Variants in CNTLN observed in about 807,000 individuals in gnomAD.
CNTLN encodes the protein centlein, centrosomal protein.
A neutral mutation model predicts 180.0 loss-of-function variants in CNTLN; 212 were observed. The ratio of observed to expected loss-of-function variants is 1.18; its 90% confidence interval spans 1.05 to 1.32. The LOEUF (loss-of-function observed/expected upper bound fraction) is 1.32, where lower values mean the gene tolerates loss of function less well. Ranked by LOEUF, CNTLN falls within the 40% of genes most tolerant of loss-of-function variation. The pLI is 0.00. For missense variants in CNTLN, 2,095 were observed against 1,610.9 expected, an observed-to-expected ratio of 1.30 and a Z score of -5.14; for synonymous variants, 722 against 563.1, an observed-to-expected ratio of 1.28 and a Z score of -3.99.
chr9:17,135,314 C>G lies in CNTLN; in HGVS notation c.249C>G (p.Pro83=), dbSNP rs1306275832. 4.4e-6 allele frequency: 7 copies of G among 1,602,140 alleles called. No homozygotes were observed. The South Asian group carries it at 6.8e-5, about 16-fold the overall frequency. The change falls in exon 1 of 26, where the codon CCC becomes CCG. Residue 83 remains proline, a synonymous_variant. Coordinates refer to ENST00000380647, the MANE Select transcript of CNTLN (RefSeq NM_017738.4). ...APAHAPLLSA[P]MGSRRLEGIS... The stretch of plus-strand genomic sequence containing the variant: ...CTCATGCTCCCCTCCTCAGCGCGCC[C>G]ATGGGGTCCAGACGGCTAGAGGGCA...
intron 10 of CNTLN, among the ~76,000 whole-genome samples, chr9:17,333,546 T>G (rs1266668192): frequency 1.3e-5 from 2 of 152,120 alleles, no homozygotes; most frequent in Non-Finnish European, 2.9e-5. Context: ...ATAATATAGA[T>G]TACTCTTAAG....
chr9:17,480,277 C>A (rs1390851626), intron 23 of CNTLN, among the ~76,000 whole-genome samples: 2 of 151,824 alleles, frequency 1.3e-5, no homozygotes, highest in Non-Finnish European at 2.9e-5. Flanking sequence ...AACTGATTTA[C>A]CAGCACACAA....
chr9:17,432,141 C>G (rs1204803497), intron 18 of CNTLN, among the ~76,000 whole-genome samples: 1 of 151,864 alleles, frequency 6.6e-6, no homozygotes, highest in East Asian at 1.9e-4. Context: ...CTGGAGAAAT[C>G]AGGGGAAATA....
intron 13 of CNTLN, among the ~76,000 whole-genome samples, chr9:17,374,608 C>G (rs923115383): frequency 6.6e-6 from 1 of 152,098 alleles, no homozygotes; most frequent in African/African-American, 2.4e-5. Flanking sequence ...TACCTATAAT[C>G]CCACACTTTG....
intron 5 of CNTLN, among the ~76,000 whole-genome samples, chr9:17,266,344 G>T (rs945727436): frequency 1.3e-5 from 2 of 152,106 alleles, no homozygotes; most frequent in Non-Finnish European, 2.9e-5. Flanking sequence ...GTAGTTGAGT[G>T]GTTTTGAGTG....
At chr9:17,143,725 A>G (rs1431075141) in intron 2 of CNTLN, among the ~76,000 whole-genome samples, 2 of 152,198 alleles carry the variant, frequency 1.3e-5, no homozygotes, top group Admixed American at 6.5e-5. Context: ...CTGCCTCTAT[A>G]GGGAACTTAC....
intron 1 of CNTLN, among the ~76,000 whole-genome samples, chr9:17,136,554 C>T (rs1011134398): frequency 5.9e-5 from 9 of 152,194 alleles, no homozygotes; most frequent in African/African-American, 2.2e-4. Context: ...CAGTCTCGAT[C>T]TCCTGACCTC....
At chr9:17,469,826 C>G (rs1461745701) in intron 23 of CNTLN, among the ~76,000 whole-genome samples, 2 of 151,834 alleles carry the variant, frequency 1.3e-5, no homozygotes, top group African/African-American at 2.4e-5. Flanking sequence ...GAGGATAGAG[C>G]TCAACTCTGC....
At chr9:17,277,493 A>G (rs1828385423) in intron 6 of CNTLN, among the ~76,000 whole-genome samples, 1 of 152,130 alleles carries the variant, frequency 6.6e-6, no homozygotes, top group South Asian at 2.1e-4. Context: ...AATTATATCT[A>G]AAGTTTTACA....
At chr9:17,195,909 C>G (rs757348643) in intron 2 of CNTLN, among the ~76,000 whole-genome samples, 19 of 152,152 alleles carry the variant, frequency 1.2e-4, no homozygotes, top group Non-Finnish European at 2.4e-4. Context: ...TACATGAAAT[C>G]AGAACTTTTG....
chr9:17,496,265 C>G (rs116597350), intron 25 of CNTLN, among the ~76,000 whole-genome samples: 2 of 152,150 alleles, frequency 1.3e-5, no homozygotes, highest in African/African-American at 4.8e-5. Context: ...TTAGTCATAT[C>G]AGGCTGTTAT....
At chr9:17,325,408 GTGTGTA>G (rs1422062675) in intron 8 of CNTLN, among the ~76,000 whole-genome samples, 125 of 145,688 alleles carry the variant, frequency 8.6e-4, no homozygotes, top group African/African-American at 2.9e-3. Context: ...GTGTGTGTGT[GTGTGTA>G]TGTATACACA....
intron 5 of CNTLN, 102 bp from the exon 6 acceptor site, chr9:17,273,631 T>A (rs370030268): frequency 2.0e-6 from 1 of 501,010 alleles, no homozygotes; most frequent in Non-Finnish European, 3.0e-6. Context: ...AAATTAAAAC[T>A]ATTTTTCTCT....
At chr9:17,334,910 T>TAAA (rs71303378) in intron 10 of CNTLN, among the ~76,000 whole-genome samples, 39 of 122,576 alleles carry the variant, frequency 3.2e-4, no homozygotes, top group African/African-American at 4.7e-4. Flanking sequence ...AATCTAAAAT[T>TAAA]AAAAAAAAAA....
At chr9:17,327,636 C>T (rs1274792124) in intron 8 of CNTLN, among the ~76,000 whole-genome samples, 1 of 151,186 alleles carries the variant, frequency 6.6e-6, no homozygotes, top group Non-Finnish European at 1.5e-5. Context: ...ATTTTATTTG[C>T]AAAAAAATAA....
intron 16 of CNTLN, among the ~76,000 whole-genome samples, chr9:17,410,788 C>A (rs1179120916): frequency 1.3e-5 from 2 of 151,962 alleles, no homozygotes; most frequent in Non-Finnish European, 2.9e-5. Flanking sequence ...TAACTTTTTC[C>A]TTACTTTATT....
intron 2 of CNTLN, among the ~76,000 whole-genome samples, chr9:17,150,913 T>C (rs2483132): frequency 0.14 from 20,615 of 152,182 alleles, 1,543 homozygotes; most frequent in African/African-American, 0.2. Flanking sequence ...TTAGTAGCAG[T>C]TGTGAATGGG....
chr9:17,232,093 A>T (rs1244141810), intron 3 of CNTLN, among the ~76,000 whole-genome samples: 1 of 152,104 alleles, frequency 6.6e-6, no homozygotes, highest in African/African-American at 2.4e-5. Flanking sequence ...GCTTAATTTT[A>T]AAATGAACTT....
chr9:17,477,371 A>G (rs10119881), intron 23 of CNTLN, among the ~76,000 whole-genome samples: 1,541 of 152,258 alleles, frequency 0.01, 23 homozygotes, highest in African/African-American at 0.034. Flanking sequence ...AAGTCTTATT[A>G]TTTAAGAAAT....
Sources: gnomAD v4.1 joint callset for allele counts (sites outside exome capture counted in the v4.1 genomes callset) on GRCh38, gnomAD v4.1.1 for gene constraint, MANE v1.5 for transcripts, NCBI Gene and HGNC (gene_info 2026-07-23, HGNC 2026-07-21) for gene names.